The following BARD1 variants were observed in gnomAD, a reference collection of about 807,000 sequenced individuals.
BARD1 encodes BRCA1 associated RING domain 1.
In BARD1, 73 loss-of-function variants were observed where a neutral mutation model predicts 77.0. The ratio of observed to expected loss-of-function variants is 0.95; its 90% CI spans 0.79 to 1.15. The LOEUF (loss-of-function observed/expected upper bound fraction) is 1.15. Ranked by LOEUF, BARD1 falls within the 50% of genes most tolerant of loss-of-function variation. The pLI, the probability that BARD1 is intolerant of heterozygous loss-of-function variation, is 0.00. For missense variants in BARD1, 993 were observed against 938.8 expected (o/e 1.06, Z -0.75); for synonymous variants, 384 against 338.0 (o/e 1.14, Z -1.49).
chr2:214,792,239 T>G, intron 3 of BARD1, 58 bp downstream of exon 3: 1 of 1,487,904 alleles, frequency 6.7e-7, no homozygotes, highest in Non-Finnish European at 9.3e-7. Flanking sequence ...TTTATGAATA[T>G]GAATTCATCA....
intron 6 of BARD1, among the ~76,000 whole-genome samples, chr2:214,758,058 A>G (rs964099806): frequency 1.3e-5 from 2 of 152,100 alleles, no homozygotes; most frequent in East Asian, 3.9e-4. Flanking sequence ...AGGAGGTGTT[A>G]AAGAGTTGGA....
chr2:214,805,480 G>A (rs1260086913), intron 1 of BARD1, among the ~76,000 whole-genome samples: 2 of 152,102 alleles, frequency 1.3e-5, no homozygotes, highest in East Asian at 1.9e-4. Flanking sequence ...CATGAAGAAA[G>A]GCAAAAGCTG....
chr2:214,809,595 C>T lies in BARD1; in HGVS notation c.-26G>A, dbSNP rs1245329214. On this transcript the variant is annotated 5_prime_UTR_variant, in exon 1 of 11. Coordinates refer to ENST00000260947, the MANE Select transcript of BARD1 (RefSeq NM_000465.4). ...CGTCCCGCCTTCGGATGAAAGGCTC[C>T]TCGCAGAGCGGGAAGCAAGGAAGCC... The T allele has an allele frequency of 2.0e-6, 3 of 1,532,808 alleles. No individual in the cohort carries two copies. The highest frequency in any genetic ancestry group is 3.9e-5 in the Admixed American group (2 of 51,264). The allele number at this position is 1,532,808 out of a possible 1,614,324, so 95.0% of individuals were successfully genotyped here.
At chr2:214,744,793 G>A (rs1693019376) in intron 9 of BARD1, among the ~76,000 whole-genome samples, 1 of 152,032 alleles carries the variant, frequency 6.6e-6, no homozygotes, top group Non-Finnish European at 1.5e-5. Flanking sequence ...ACCACGCCCG[G>A]CTAATTTTTT....
intron 9 of BARD1, among the ~76,000 whole-genome samples, chr2:214,739,715 T>G (rs569552415): frequency 6.6e-6 from 1 of 152,176 alleles, no homozygotes; most frequent in Non-Finnish European, 1.5e-5. Flanking sequence ...ATGTTTCCAT[T>G]TAAGATTTGA....
intron 3 of BARD1, among the ~76,000 whole-genome samples, chr2:214,783,617 G>A (rs1159847967): frequency 2.0e-5 from 3 of 152,000 alleles, no homozygotes; most frequent in Non-Finnish European, 4.4e-5. Context: ...ATGCATGTGG[G>A]TCTTAAAACC....
chr2:214,745,148 C>A lies in BARD1; in HGVS notation c.1822G>T (p.Val608Phe), dbSNP rs778987552. The change falls in exon 9 of 11, where the codon GTT (valine) becomes TTT (phenylalanine). Residue 608 changes from valine to phenylalanine, a missense_variant. Val to Phe is a conservative substitution (Grantham distance 50, BLOSUM62 -1). Coordinates refer to ENST00000260947, the MANE Select transcript of BARD1 (RefSeq NM_000465.4). The stretch of plus-strand genomic sequence containing the variant: ...CTTTGAACTGCATCACCAGGAACAA[C>A]AACATGAGTTACTAAAATACAAAAA... ...TEFDSTVTHV[V>F]VPGDAVQSTL... The A allele has an allele frequency of 6.2e-7, 1 of 1,613,716 alleles. No individual in the cohort carries two copies. The highest frequency in any genetic ancestry group is 2.2e-5 in the East Asian group (1 of 44,840).
intron 6 of BARD1, among the ~76,000 whole-genome samples, chr2:214,766,272 T>C (rs185900656): frequency 6.6e-6 from 1 of 152,178 alleles, no homozygotes; most frequent in South Asian, 2.1e-4. Context: ...CAGAACCTCA[T>C]GTGAATGATG....
At chr2:214,809,389 C>G (rs749166978) in intron 1 of BARD1, 23 bp downstream of exon 1, 4 of 1,611,744 alleles carry the variant, frequency 2.5e-6, no homozygotes, top group Non-Finnish European at 3.4e-6. Context: ...CTCGCAGCCA[C>G]CCCCAAGAAG....
intron 5 of BARD1, among the ~76,000 whole-genome samples, 194 bp from the exon 6 acceptor site, chr2:214,767,848 T>C (rs1303419266): frequency 6.6e-6 from 1 of 152,184 alleles, no homozygotes; most frequent in Non-Finnish European, 1.5e-5. Context: ...AAGATCTGTG[T>C]AACTCATAAA....
chr2:214,757,290 G>GTT (rs1326532522), intron 6 of BARD1, among the ~76,000 whole-genome samples: 27 of 145,192 alleles, frequency 1.9e-4, no homozygotes, highest in African/African-American at 6.3e-4. Context: ...GATTTCACCA[G>GTT]TTTTTTTTTT....
intron 1 of BARD1, among the ~76,000 whole-genome samples, chr2:214,807,658 G>A (rs1050430174): frequency 2.0e-5 from 3 of 152,090 alleles, no homozygotes; most frequent in East Asian, 1.9e-4. Flanking sequence ...CACTTTATGG[G>A]TGCTCAATAA....
intron 1 of BARD1, among the ~76,000 whole-genome samples, chr2:214,805,259 CA>C (rs1443339259): frequency 1.3e-5 from 2 of 152,248 alleles, no homozygotes; most frequent in African/African-American, 4.8e-5. Flanking sequence ...TGTCGACCTG[CA>C]CGACAATTTA....
At chr2:214,794,642 T>C (rs1051900037) in intron 2 of BARD1, among the ~76,000 whole-genome samples, 9 of 152,218 alleles carry the variant, frequency 5.9e-5, no homozygotes, top group Non-Finnish European at 1.2e-4. Context: ...AAAAGCTCTT[T>C]ATGGTTCTCA....
chr2:214,741,618 G>C (rs1187002151), intron 9 of BARD1, among the ~76,000 whole-genome samples: 1 of 152,118 alleles, frequency 6.6e-6, no homozygotes, highest in Non-Finnish European at 1.5e-5. Flanking sequence ...TAGGACTAAA[G>C]TAGAGTCTCC....
chr2:214,734,239 C>T (rs2105997480), intron 9 of BARD1, among the ~76,000 whole-genome samples: 1 of 151,874 alleles, frequency 6.6e-6, no homozygotes, highest in African/African-American at 2.4e-5. Flanking sequence ...TTCAAAAATA[C>T]TAATAAAGCA....
chr2:214,758,780 T>C (rs115789115), intron 6 of BARD1, among the ~76,000 whole-genome samples: 2,248 of 152,320 alleles, frequency 0.015, 12 homozygotes, highest in Middle Eastern at 0.031. Context: ...AACCTTTTAA[T>C]ATCCTTTTCC....
At chr2:214,772,855 G>T (rs533078010) in intron 4 of BARD1, among the ~76,000 whole-genome samples, 1 of 152,302 alleles carries the variant, frequency 6.6e-6, no homozygotes, top group African/African-American at 2.4e-5. Flanking sequence ...AAGTAGCCAG[G>T]AAATAAATTA....
chr2:214,791,629 C>A (rs1446974110), intron 3 of BARD1, among the ~76,000 whole-genome samples: 2 of 152,144 alleles, frequency 1.3e-5, no homozygotes, highest in African/African-American at 2.4e-5. Context: ...AAAACGTTAA[C>A]CCCCACTTAA....
Sources: gnomAD v4.1 joint callset for allele counts (sites outside exome capture counted in the v4.1 genomes callset) on GRCh38, gnomAD v4.1.1 for gene constraint, MANE v1.5 for transcripts, NCBI Gene and HGNC (gene_info 2026-07-23, HGNC 2026-07-21) for gene names.